The following TJP1 variants were observed in gnomAD, a reference collection of about 807,000 sequenced individuals.
TJP1 encodes the protein tight junction protein 1.
A neutral mutation model predicts 194.2 loss-of-function variants in TJP1; 43 were observed. That is an observed-to-expected ratio of 0.22 (90% CI 0.17 to 0.29). The LOEUF (loss-of-function observed/expected upper bound fraction) is 0.29, where lower values mean the gene tolerates loss of function less well. Among genes scored for constraint, TJP1 ranks in the 10% least tolerant of loss-of-function variants. The pLI, the probability that TJP1 is intolerant of heterozygous loss-of-function variation, is 1.00. For missense variants in TJP1, 1,971 were observed against 2,185.7 expected, an observed-to-expected ratio of 0.90 and a Z score of 1.96; for synonymous variants, 801 against 779.0, an observed-to-expected ratio of 1.03 and a Z score of -0.47.
intron 1 of TJP1, among the ~76,000 whole-genome samples, chr15:29,818,918 A>C (rs1261890352): frequency 1.3e-5 from 2 of 151,770 alleles, no homozygotes; most frequent in Non-Finnish European, 2.9e-5. Context: ...TCCAGGTTCA[A>C]GCAATTCTCC....
At chr15:29,950,528 C>T (rs141974916) in intron 2 of TJP1, among the ~76,000 whole-genome samples, 25 of 152,316 alleles carry the variant, frequency 1.6e-4, no homozygotes, top group African/African-American at 5.3e-4. Context: ...CAATCATCAC[C>T]GTGTGCCCAG....
intron 2 of TJP1, among the ~76,000 whole-genome samples, chr15:29,891,120 C>T (rs1249580952): frequency 6.6e-6 from 1 of 152,188 alleles, no homozygotes; most frequent in Non-Finnish European, 1.5e-5. Context: ...CCCCCTTCTT[C>T]CATGCAATAC....
chr15:29,835,695 A>T (rs1337518258), intron 2 of TJP1, among the ~76,000 whole-genome samples: 1 of 152,196 alleles, frequency 6.6e-6, no homozygotes, highest in African/African-American at 2.4e-5. Context: ...TAACATGTAG[A>T]ATCAGTTTAA....
intron 4 of TJP1, among the ~76,000 whole-genome samples, chr15:29,771,527 C>G (rs1016653594): frequency 6.6e-6 from 1 of 152,086 alleles, no homozygotes; most frequent in Non-Finnish European, 1.5e-5. Context: ...ACTATTTGGC[C>G]GGGCGTGGTG....
chr15:29,905,445 A>G (rs1243291223), intron 2 of TJP1, among the ~76,000 whole-genome samples: 1 of 152,246 alleles, frequency 6.6e-6, no homozygotes, highest in Non-Finnish European at 1.5e-5. Context: ...ATGGGAAGAT[A>G]GTTTGGCAGT....
chr15:29,712,517 C>A (rs1363119087), intron 23 of TJP1, among the ~76,000 whole-genome samples: 8 of 152,104 alleles, frequency 5.3e-5, no homozygotes, highest in African/African-American at 1.9e-4. Flanking sequence ...AAATATCAAC[C>A]AACATCCACC....
chr15:29,958,560 T>G (rs1463253497), intron 1 of TJP1, among the ~76,000 whole-genome samples: 2 of 152,220 alleles, frequency 1.3e-5, no homozygotes, highest in Non-Finnish European at 2.9e-5. Context: ...ATTCAGTAGT[T>G]TGAAAGTTAT....
At chr15:29,717,948 A>C (rs1299724894) in intron 22 of TJP1, 73 bp downstream of exon 22, 4 of 1,295,852 alleles carry the variant, frequency 3.1e-6, no homozygotes, top group Non-Finnish European at 4.4e-6. Context: ...ACACAGTAAA[A>C]GGTTTTCTTA....
chr15:29,894,039 T>C (rs2053398938), intron 2 of TJP1, among the ~76,000 whole-genome samples: 2 of 152,190 alleles, frequency 1.3e-5, no homozygotes, highest in Non-Finnish European at 2.9e-5. Context: ...GGAAATTCCA[T>C]CTGACCAGGT....
downstream of TJP1, chr15:29,699,458 T>G (rs755901143): frequency 1.3e-5 from 2 of 152,092 alleles, no homozygotes; most frequent in African/African-American, 2.4e-5. Flanking sequence ...AAGGGTTGAG[T>G]ATAAAGGGGT....
intron 2 of TJP1, among the ~76,000 whole-genome samples, chr15:29,779,499 T>C (rs1444037024): frequency 6.6e-6 from 1 of 152,182 alleles, no homozygotes; most frequent in Non-Finnish European, 1.5e-5. Flanking sequence ...GAGTAAAATC[T>C]TTTCTCTTTG....
At chr15:29,879,060 C>T (rs1262919792) in intron 2 of TJP1, among the ~76,000 whole-genome samples, 1 of 152,010 alleles carries the variant, frequency 6.6e-6, no homozygotes, top group Non-Finnish European at 1.5e-5. Flanking sequence ...GGAGGCAGAG[C>T]TTGCAGTGAG....
At chr15:29,804,875 A>G (rs7176476) in intron 1 of TJP1, among the ~76,000 whole-genome samples, 119,140 of 152,014 alleles carry the variant, frequency 0.78, 47,461 homozygotes, top group East Asian at 0.86. Context: ...AGATGCTGGT[A>G]AACAGGAAAT....
chr15:29,906,925 C>G (rs777976716), intron 2 of TJP1, among the ~76,000 whole-genome samples: 9 of 151,906 alleles, frequency 5.9e-5, no homozygotes, highest in Non-Finnish European at 1.3e-4. Context: ...ATGTGATGTA[C>G]TATTAACTGG....
intron 1 of TJP1, among the ~76,000 whole-genome samples, chr15:29,956,608 G>A (rs1417235265): frequency 6.6e-6 from 1 of 152,198 alleles, no homozygotes; most frequent in Non-Finnish European, 1.5e-5. Context: ...ACTGTGGGTG[G>A]TGGCTCACAC....
At chr15:29,891,389 A>G (rs1161617350) in intron 2 of TJP1, among the ~76,000 whole-genome samples, 1 of 152,208 alleles carries the variant, frequency 6.6e-6, no homozygotes, top group Non-Finnish European at 1.5e-5. Context: ...AAAATGTAAA[A>G]TGTGAACTGA....
At chr15:29,780,299 G>C (rs1029437609) in intron 2 of TJP1, among the ~76,000 whole-genome samples, 4 of 151,998 alleles carry the variant, frequency 2.6e-5, no homozygotes, top group African/African-American at 9.7e-5. Flanking sequence ...GGTCCCATCT[G>C]GGGGTGATGG....
At position 29,727,960 on chromosome 15, in the gene TJP1, T is replaced by C; in HGVS notation, c.2077A>G (p.Thr693Ala). Residue 693 changes from threonine (T) to alanine (A), a missense_variant, in exon 16 of 28, where the codon ACA (threonine) becomes GCA (alanine). Physicochemically the swap from Thr to Ala is moderately conservative, Grantham distance 58. This residue lies in a region of TJP1 where 402 missense variants were observed against 484.2 expected (regional missense o/e 0.83). Coordinates refer to ENST00000614355, the MANE Select transcript of TJP1 (RefSeq NM_001330239.4). ...QRSSGIIRLH[T>A]IKQIIDQDKH... ...ACTTGATCTATGATTTGCTTTATTGTATGCAGGCGAATAATGCCAGAGCTA... is the reference window on the plus strand; with the variant it reads ...ACTTGATCTATGATTTGCTTTATTGCATGCAGGCGAATAATGCCAGAGCTA... The C allele has an allele frequency of 1.2e-6, 2 of 1,614,170 alleles. No individual in the cohort carries two copies. The highest frequency in any genetic ancestry group is 1.1e-5 in the South Asian group (1 of 91,080).
intron 1 of TJP1, 88 bp downstream of exon 1, chr15:29,821,914 C>G: frequency 8.8e-7 from 1 of 1,133,080 alleles, no homozygotes. Flanking sequence ...CAGCCGCCAG[C>G]GAGGGAGGGC....
Sources: allele counts gnomAD v4.1 joint callset (sites outside exome capture counted in the v4.1 genomes callset), GRCh38; gene constraint gnomAD v4.1.1; regional missense constraint gnomAD v4.1.1; transcripts MANE v1.5; gene names NCBI Gene and HGNC (gene_info 2026-07-23, HGNC 2026-07-21).